TMEM132D: variants seen among roughly 807,000 people sequenced by gnomAD.
TMEM132D encodes the protein mature OL transmembrane protein.
Under a neutral mutation model 62.3 loss-of-function variants are expected in TMEM132D, and 21 were observed. That is an observed-to-expected ratio of 0.34 (90% CI 0.24 to 0.49). TMEM132D has a LOEUF of 0.49. Among genes scored for constraint, TMEM132D ranks in the 20% least tolerant of loss-of-function variants. The pLI, the probability that TMEM132D is intolerant of heterozygous loss-of-function variation, is 0.99. For synonymous variants in TMEM132D, 621 were observed against 575.6 expected, an observed-to-expected ratio of 1.08 and a Z score of -1.13; for missense variants, 1,346 against 1,402.8, an observed-to-expected ratio of 0.96 and a Z score of 0.65.
chr12:129,563,116 T>G (rs545262311), intron 2 of TMEM132D, among the ~76,000 whole-genome samples: 9 of 152,318 alleles, frequency 5.9e-5, no homozygotes, highest in African/African-American at 2.2e-4. Flanking sequence ...TGCATTTAAT[T>G]TTTTTTGAGG....
At chr12:129,590,288 C>A (rs1484685605) in intron 2 of TMEM132D, among the ~76,000 whole-genome samples, 2 of 152,138 alleles carry the variant, frequency 1.3e-5, no homozygotes, top group African/African-American at 4.8e-5. Context: ...ACACAAAGGG[C>A]CACCACGTCA....
chr12:129,768,510 A>G (rs1253164829), intron 1 of TMEM132D, among the ~76,000 whole-genome samples: 1 of 151,940 alleles, frequency 6.6e-6, no homozygotes, highest in Non-Finnish European at 1.5e-5. Context: ...AGTAGAATTA[A>G]TATATGATTT....
At chr12:129,080,864 TAA>T (rs1874424431) in intron 7 of TMEM132D, among the ~76,000 whole-genome samples, 2 of 152,142 alleles carry the variant, frequency 1.3e-5, no homozygotes, top group South Asian at 2.1e-4. Flanking sequence ...ACTGTTTTGT[TAA>T]AGTGTTTCAA....
At chr12:129,616,944 T>C (rs1390159623) in intron 2 of TMEM132D, among the ~76,000 whole-genome samples, 1 of 152,196 alleles carries the variant, frequency 6.6e-6, no homozygotes, top group Non-Finnish European at 1.5e-5. Context: ...TTTGTCGCTG[T>C]TGTATATTTG....
chr12:129,586,018 A>G (rs963057120), intron 2 of TMEM132D, among the ~76,000 whole-genome samples: 2 of 152,208 alleles, frequency 1.3e-5, no homozygotes, highest in African/African-American at 4.8e-5. Context: ...TTGTGCTGAA[A>G]TAAGAATAGA....
rs765831985 is a variant in TMEM132D at position 129,072,613 on chromosome 12, T to G, written c.*1262A>C. Reference sequence around the variant, plus strand: ...GCACCTCCAAGATGAAGAAGGTTTCTGTGCTGTCCGGTGTGTGTGAGGCTG... The same window carrying G: ...GCACCTCCAAGATGAAGAAGGTTTCGGTGCTGTCCGGTGTGTGTGAGGCTG... On this transcript the variant is annotated 3_prime_UTR_variant, in exon 9 of 9. Transcript: ENST00000422113. 1.3e-5 allele frequency: 2 copies of G among 152,382 alleles called. No homozygotes were observed. Among genetic ancestry groups the G allele is most frequent in the Non-Finnish European group, 2.9e-5 (2 of 68,148 alleles). The allele number at this position is 152,382 out of a possible 1,614,324, so 9.4% of individuals were successfully genotyped here. A position where few individuals can be genotyped will look rare whatever the true frequency, so the allele number is the denominator to read the frequency against.
At chr12:129,591,495 G>A (rs1285830248) in intron 2 of TMEM132D, among the ~76,000 whole-genome samples, 1 of 150,826 alleles carries the variant, frequency 6.6e-6, no homozygotes, top group Non-Finnish European at 1.5e-5. Flanking sequence ...GAAACAGAAT[G>A]GATTCTGTCA....
intron 4 of TMEM132D, among the ~76,000 whole-genome samples, chr12:129,324,629 G>C (rs1439145532): frequency 6.6e-6 from 1 of 152,100 alleles, no homozygotes; most frequent in Non-Finnish European, 1.5e-5. Context: ...AGGAATTCAA[G>C]ACCAGCCTGG....
intron 1 of TMEM132D, among the ~76,000 whole-genome samples, chr12:129,822,801 C>T (rs1205698153): frequency 6.6e-6 from 1 of 152,060 alleles, no homozygotes; most frequent in Non-Finnish European, 1.5e-5. Flanking sequence ...GGAAAATCAC[C>T]CCCATGATTC....
chr12:129,728,148 A>G (rs61945248), intron 1 of TMEM132D, among the ~76,000 whole-genome samples: 21,885 of 152,232 alleles, frequency 0.14, 1,739 homozygotes, highest in South Asian at 0.25. Context: ...TCCCTCAAGA[A>G]TGTCCCACAT....
chr12:129,226,581 G>A (rs1026122483), intron 4 of TMEM132D, among the ~76,000 whole-genome samples: 4 of 152,226 alleles, frequency 2.6e-5, no homozygotes, highest in East Asian at 3.9e-4. Context: ...GCCAGAGGGC[G>A]AAGTGACAGC....
At chr12:129,278,677 A>T (rs1881061913) in intron 4 of TMEM132D, among the ~76,000 whole-genome samples, 2 of 152,282 alleles carry the variant, frequency 1.3e-5, no homozygotes, top group South Asian at 4.2e-4. Flanking sequence ...CTCTGGGAGG[A>T]ATAAAGACAA....
intron 5 of TMEM132D, among the ~76,000 whole-genome samples, chr12:129,177,521 G>A (rs1877938520): frequency 6.6e-6 from 1 of 152,200 alleles, no homozygotes; most frequent in African/African-American, 2.4e-5. Context: ...ACTTTGGGAG[G>A]CCAAGGTGGC....
At chr12:129,896,872 G>GT (rs1566023009) in intron 1 of TMEM132D, among the ~76,000 whole-genome samples, 1 of 152,160 alleles carries the variant, frequency 6.6e-6, no homozygotes, top group South Asian at 2.1e-4. Flanking sequence ...TCAAAGGCAT[G>GT]TTTTTTACCT....
intron 5 of TMEM132D, among the ~76,000 whole-genome samples, chr12:129,116,802 G>A (rs1306614608): frequency 1.3e-5 from 2 of 150,914 alleles, no homozygotes; most frequent in East Asian, 2.0e-4. Flanking sequence ...GGAATGCAAA[G>A]TGTACAGCCA....
In TMEM132D at chr12:129,368,952, C is replaced by T. The variant is rs74876204; in HGVS notation, c.1116-31135G>A. On this transcript the variant is annotated intron_variant, in intron 3 of 8. Transcript: ENST00000422113. ...TGTTTCCTCGTTCCCACCTGGAATA[C>T]TGATGTGATGCAGGAGGCTCAGCTG... Among the ~76,000 whole-genome samples, 11 of 152,306 alleles carry T rather than the reference C, an allele frequency of 7.2e-5. No individual in the cohort carries two copies. In the East Asian group the frequency reaches 2.1e-3, roughly 29 times the overall value.
chr12:129,366,355 A>C (rs1870413227), intron 3 of TMEM132D, among the ~76,000 whole-genome samples: 2 of 152,142 alleles, frequency 1.3e-5, no homozygotes, highest in Admixed American at 6.5e-5. Context: ...AATATGAGTG[A>C]GTTCTCACAA....
intron 3 of TMEM132D, among the ~76,000 whole-genome samples, chr12:129,493,239 C>CA (rs1424806607): frequency 6.6e-6 from 1 of 152,218 alleles, no homozygotes; most frequent in Admixed American, 6.5e-5. Flanking sequence ...TATTTGCTTA[C>CA]AGCTACCATT....
At chr12:129,281,411 A>G (rs150003505) in intron 4 of TMEM132D, among the ~76,000 whole-genome samples, 56 of 151,854 alleles carry the variant, frequency 3.7e-4, no homozygotes, top group African/African-American at 1.4e-3. Context: ...CAATCAATAA[A>G]TAAATTCTTT....
Sources: gnomAD v4.1 joint callset for allele counts (sites outside exome capture counted in the v4.1 genomes callset) on GRCh38, gnomAD v4.1.1 for gene constraint, MANE v1.5 for transcripts, NCBI Gene and HGNC (gene_info 2026-07-23, HGNC 2026-07-21) for gene names.